Variants in CDKAL1 observed in about 807,000 individuals in gnomAD.
CDKAL1 encodes the protein threonylcarbamoyladenosine tRNA methylthiotransferase.
A neutral mutation model predicts 68.2 loss-of-function variants in CDKAL1; 32 were observed. The observed-to-expected ratio is 0.47, with a 90% CI of 0.35 to 0.63. CDKAL1 has a LOEUF of 0.63. Ranked by LOEUF, CDKAL1 falls within the 30% of genes least tolerant of loss-of-function variation. The probability of loss-of-function intolerance (pLI) is 0.00; values close to 1 mark genes in which losing one functional copy is unlikely to be tolerated. For synonymous variants in CDKAL1, 234 were observed against 244.3 expected, an observed-to-expected ratio of 0.96 and a Z score of 0.39; for missense variants, 606 against 696.7, an observed-to-expected ratio of 0.87 and a Z score of 1.47.
intron 4 of CDKAL1, among the ~76,000 whole-genome samples, chr6:20,605,542 A>G (rs887730360): frequency 6.6e-6 from 1 of 152,118 alleles, no homozygotes; most frequent in Non-Finnish European, 1.5e-5. Flanking sequence ...AAGATGCTAA[A>G]CATTGTAAAT....
At chr6:21,064,570 A>G (rs1771320299) in intron 11 of CDKAL1, among the ~76,000 whole-genome samples, 1 of 152,224 alleles carries the variant, frequency 6.6e-6, no homozygotes, top group Non-Finnish European at 1.5e-5. Context: ...AAAATTACAC[A>G]TTGTGGAAAA....
chr6:20,540,533 G>A (rs922498143), intron 2 of CDKAL1, among the ~76,000 whole-genome samples: 4 of 151,230 alleles, frequency 2.6e-5, no homozygotes, highest in Non-Finnish European at 4.4e-5. Context: ...TCAGCTCACT[G>A]CAACCTCTGC....
intron 4 of CDKAL1, among the ~76,000 whole-genome samples, chr6:20,575,985 G>A (rs932812199): frequency 4.6e-5 from 7 of 152,236 alleles, no homozygotes; most frequent in East Asian, 1.9e-4. Context: ...ATAACTATAC[G>A]ATCACAAGGA....
intron 10 of CDKAL1, among the ~76,000 whole-genome samples, chr6:20,969,540 A>G (rs1417140403): frequency 6.6e-6 from 1 of 152,170 alleles, no homozygotes; most frequent in East Asian, 1.9e-4. Context: ...TTAAGGGTCC[A>G]CTGTAATTCT....
At chr6:20,824,839 T>TA (rs1777435508) in intron 8 of CDKAL1, among the ~76,000 whole-genome samples, 1 of 152,168 alleles carries the variant, frequency 6.6e-6, no homozygotes, top group Admixed American at 6.6e-5. Context: ...TCATATAACA[T>TA]TTTTATTAGA....
chr6:21,227,190 C>T (rs1356187119), intron 15 of CDKAL1, among the ~76,000 whole-genome samples: 3 of 152,184 alleles, frequency 2.0e-5, no homozygotes, highest in Non-Finnish European at 2.9e-5. Flanking sequence ...CTTTTTCTAT[C>T]GGCTGTTTAT....
intron 10 of CDKAL1, among the ~76,000 whole-genome samples, chr6:20,957,985 AAAAAG>A (rs1465311549): frequency 4.6e-5 from 7 of 151,640 alleles, no homozygotes. Flanking sequence ...AAAAAAAAAA[AAAAAG>A]GAAGAGCCTT....
rs199754503 is a variant in CDKAL1 at position 20,546,398 on chromosome 6, C to T, written c.48C>T (p.Ile16=). ...CACTACTGGATGACATCGAAGATAT[C>T]GTGTCTCAGGAAGATTCAAAACCAC... ...CDTLLDDIED[I]VSQEDSKPQD... Residue 16 remains isoleucine (I), a synonymous_variant, in exon 3 of 16, where the codon ATC becomes ATT. Coordinates refer to ENST00000274695, the MANE Select transcript of CDKAL1 (RefSeq NM_017774.3). The T allele has an allele frequency of 5.5e-5, 89 of 1,613,702 alleles. No homozygotes were observed. The highest frequency in any genetic ancestry group is 6.3e-5 in the Non-Finnish European group (74 of 1,179,724).
chr6:21,130,323 C>T (rs1775247082), intron 13 of CDKAL1, among the ~76,000 whole-genome samples: 1 of 148,208 alleles, frequency 6.7e-6, no homozygotes, highest in Middle Eastern at 3.3e-3. Flanking sequence ...CTCCTGGATT[C>T]GAGCGATTAT....
chr6:20,991,770 A>G (rs980093555), intron 10 of CDKAL1, among the ~76,000 whole-genome samples: 6 of 149,308 alleles, frequency 4.0e-5, no homozygotes, highest in South Asian at 2.1e-4. Flanking sequence ...CGTCCCAGCT[A>G]CTTGGGAAGC....
At chr6:20,579,112 G>A (rs1378200184) in intron 4 of CDKAL1, among the ~76,000 whole-genome samples, 1 of 152,078 alleles carries the variant, frequency 6.6e-6, no homozygotes, top group Non-Finnish European at 1.5e-5. Context: ...CGAGTAGCTG[G>A]CATTACGGGC....
intron 7 of CDKAL1, among the ~76,000 whole-genome samples, chr6:20,768,023 A>G (rs1410770994): frequency 6.6e-6 from 1 of 152,192 alleles, no homozygotes; most frequent in African/African-American, 2.4e-5. Context: ...GTAATAAAGA[A>G]ATAGGAATTA....
intron 4 of CDKAL1, among the ~76,000 whole-genome samples, chr6:20,626,702 A>T (rs1488204960): frequency 6.6e-6 from 1 of 152,190 alleles, no homozygotes; most frequent in Non-Finnish European, 1.5e-5. Context: ...CTGTAATGGC[A>T]GGGCTATTGT....
intron 4 of CDKAL1, among the ~76,000 whole-genome samples, chr6:20,569,772 A>C (rs1396714436): frequency 2.6e-5 from 4 of 152,238 alleles, no homozygotes; most frequent in Non-Finnish European, 4.4e-5. Context: ...TTTCAGAATC[A>C]GTAGAATTTT....
chr6:21,132,501 AT>A (rs1775379332), intron 13 of CDKAL1, among the ~76,000 whole-genome samples: 1 of 150,704 alleles, frequency 6.6e-6, no homozygotes, highest in Admixed American at 6.6e-5. Context: ...GGTCTTATTT[AT>A]GTTAATATGT....
At chr6:20,540,666 G>A (rs901926167) in intron 2 of CDKAL1, among the ~76,000 whole-genome samples, 1 of 151,982 alleles carries the variant, frequency 6.6e-6, no homozygotes, top group Non-Finnish European at 1.5e-5. Flanking sequence ...ATGTTGGCCA[G>A]GCTGACCTCC....
intron 5 of CDKAL1, among the ~76,000 whole-genome samples, chr6:20,737,864 T>C (rs1265375270): frequency 1.3e-5 from 2 of 152,234 alleles, no homozygotes; most frequent in African/African-American, 4.8e-5. Context: ...AAATAGTATT[T>C]TGTACTCTGT....
At chr6:20,863,538 G>A (rs1257567004) in intron 9 of CDKAL1, among the ~76,000 whole-genome samples, 1 of 152,090 alleles carries the variant, frequency 6.6e-6, no homozygotes, top group Non-Finnish European at 1.5e-5. Flanking sequence ...TTCATCTTTT[G>A]CCTTACTAAT....
intron 5 of CDKAL1, among the ~76,000 whole-genome samples, chr6:20,712,830 G>A (rs1393552988): frequency 6.6e-6 from 1 of 151,172 alleles, no homozygotes; most frequent in African/African-American, 2.4e-5. Context: ...ATTTTTAGTA[G>A]AGGGTTTCAC....
Sources: allele counts gnomAD v4.1 joint callset (sites outside exome capture counted in the v4.1 genomes callset), GRCh38; gene constraint gnomAD v4.1.1; transcripts MANE v1.5; gene names NCBI Gene and HGNC (gene_info 2026-07-23, HGNC 2026-07-21).